ERC2: variants seen among roughly 807,000 people sequenced by gnomAD.
ERC2 encodes the protein ELKS/RAB6-interacting/CAST family member 2, also known as ERC protein 2.
Under a neutral mutation model 114.8 loss-of-function variants are expected in ERC2, and 42 were observed. The observed-to-expected ratio is 0.37, with a 90% CI of 0.29 to 0.47. ERC2 has a LOEUF of 0.47. ERC2 is among the 20% of genes least tolerant of loss of function. ERC2 has a pLI of 0.99. For missense variants in ERC2, 939 were observed against 1,150.7 expected (o/e 0.82, Z 2.66); for synonymous variants, 454 against 425.5 (o/e 1.07, Z -0.82).
intron 2 of ERC2, among the ~76,000 whole-genome samples, chr3:56,362,939 T>G (rs2150563816): frequency 6.6e-6 from 1 of 152,352 alleles, no homozygotes; most frequent in East Asian, 1.9e-4. Context: ...ATTGAGGATA[T>G]TGGCTCCTCA....
intron 13 of ERC2, among the ~76,000 whole-genome samples, chr3:55,895,396 T>C (rs2063795478): frequency 6.6e-6 from 1 of 152,088 alleles, no homozygotes; most frequent in Non-Finnish European, 1.5e-5. Context: ...ATCCTCCCCT[T>C]TAAAGTGGAG....
intron 7 of ERC2, among the ~76,000 whole-genome samples, chr3:56,023,774 T>TGAAGGAAG (rs58820385): frequency 0.069 from 9,158 of 131,776 alleles, 647 homozygotes; most frequent in African/African-American, 0.15. Context: ...AAAAAAGGAA[T>TGAAGGAAG]GAAGGAAGGA....
At chr3:55,641,723 C>T (rs1260745951) in intron 17 of ERC2, among the ~76,000 whole-genome samples, 1 of 152,138 alleles carries the variant, frequency 6.6e-6, no homozygotes, top group Non-Finnish European at 1.5e-5. Context: ...ATGCCTCTCT[C>T]CTTTTCCTTC....
chr3:56,238,109 AG>A (rs1385440314), intron 3 of ERC2, among the ~76,000 whole-genome samples: 1 of 152,138 alleles, frequency 6.6e-6, no homozygotes, highest in Non-Finnish European at 1.5e-5. Flanking sequence ...CCCAAAATGC[AG>A]GGTTTTTTCT....
intron 10 of ERC2, among the ~76,000 whole-genome samples, chr3:55,998,868 T>C (rs925778316): frequency 2.0e-5 from 3 of 152,150 alleles, no homozygotes; most frequent in African/African-American, 7.2e-5. Flanking sequence ...TGAGAAGAGA[T>C]AGGATTTCAA....
At chr3:55,554,122 C>A (rs954129473) in intron 17 of ERC2, among the ~76,000 whole-genome samples, 2 of 152,088 alleles carry the variant, frequency 1.3e-5, no homozygotes, top group South Asian at 4.1e-4. Flanking sequence ...TTGCATAATT[C>A]TTTGCATATA....
intron 3 of ERC2, among the ~76,000 whole-genome samples, chr3:56,239,442 G>A (rs567240355): frequency 6.5e-4 from 99 of 152,026 alleles, no homozygotes; most frequent in African/African-American, 2.3e-3. Context: ...GGTGGCAGAG[G>A]TTGCAGTGGG....
intron 3 of ERC2, among the ~76,000 whole-genome samples, chr3:56,266,130 G>GAT (rs2053284204): frequency 7.7e-6 from 1 of 130,542 alleles, no homozygotes; most frequent in Non-Finnish European, 1.6e-5. Context: ...CAAATAACTA[G>GAT]ATTTTTTTTT....
Position 56,284,142 on chromosome 3 carries a change from G to A in ERC2, c.1074+11877C>T, listed in dbSNP as rs1341089497. 2.6e-5 allele frequency among the ~76,000 whole-genome samples: 4 copies of A among 152,242 alleles called. No individual in the cohort carries two copies. In the East Asian group the frequency reaches 7.7e-4, roughly 29 times the overall value. On this transcript the variant is annotated intron_variant, in intron 3 of 17. Transcript: ENST00000288221. ...AAAGAAAAAACTCAAGTTTAGAGAA[G>A]ATTTGGGGTGAGTGGTGTAGGTGAA...
chr3:55,747,691 C>A (rs567123987), intron 14 of ERC2, among the ~76,000 whole-genome samples: 132 of 152,320 alleles, frequency 8.7e-4, no homozygotes, highest in African/African-American at 3.1e-3. Context: ...GTGGCCATTG[C>A]CTTTGCAAAG....
intron 17 of ERC2, among the ~76,000 whole-genome samples, chr3:55,573,466 T>A (rs2056824848): frequency 6.6e-6 from 1 of 152,098 alleles, no homozygotes; most frequent in African/African-American, 2.4e-5. Flanking sequence ...GAGCAACAGA[T>A]GCGAGGGGGG....
At chr3:56,466,071 G>C (rs928825097) in intron 1 of ERC2, among the ~76,000 whole-genome samples, 1 of 152,202 alleles carries the variant, frequency 6.6e-6, no homozygotes, top group African/African-American at 2.4e-5. Context: ...TAATTTGGGC[G>C]TAAGAATAGT....
At chr3:56,285,325 G>T (rs1486780373) in intron 3 of ERC2, among the ~76,000 whole-genome samples, 1 of 151,752 alleles carries the variant, frequency 6.6e-6, no homozygotes, top group African/African-American at 2.4e-5. Flanking sequence ...TGCAATGTCT[G>T]GAGACTGTTT....
intron 14 of ERC2, among the ~76,000 whole-genome samples, chr3:55,826,422 G>A (rs2060329232): frequency 6.6e-6 from 1 of 152,170 alleles, no homozygotes. Flanking sequence ...TTAAGTTGAA[G>A]CCTATTTGAC....
At chr3:56,105,810 G>A (rs1221499320) in intron 6 of ERC2, among the ~76,000 whole-genome samples, 1 of 152,200 alleles carries the variant, frequency 6.6e-6, no homozygotes, top group East Asian at 1.9e-4. Flanking sequence ...CCAAGGAGAT[G>A]TCTGCACAGG....
At chr3:56,464,075 C>G (rs2107586840) in intron 1 of ERC2, among the ~76,000 whole-genome samples, 1 of 152,224 alleles carries the variant, frequency 6.6e-6, no homozygotes, top group East Asian at 1.9e-4. Flanking sequence ...TGTCACGCAG[C>G]TAGCAATGGG....
intron 3 of ERC2, among the ~76,000 whole-genome samples, chr3:56,287,565 T>C (rs1576282556): frequency 2.0e-5 from 3 of 152,246 alleles, no homozygotes; most frequent in African/African-American, 7.2e-5. Flanking sequence ...CAGGCTCTGA[T>C]AAGATGTGGC....
chr3:56,152,041 C>T (rs1352009), intron 4 of ERC2, among the ~76,000 whole-genome samples: 11,533 of 152,160 alleles, frequency 0.076, 583 homozygotes, highest in East Asian at 0.14. Context: ...TAAACAAGCT[C>T]TGGAAGCAGA....
At chr3:56,431,264 TA>T (rs1418947266) in intron 2 of ERC2, among the ~76,000 whole-genome samples, 3 of 152,118 alleles carry the variant, frequency 2.0e-5, no homozygotes, top group Non-Finnish European at 2.9e-5. Context: ...TGGAAAAACA[TA>T]AAAACCCCAC....
Sources: allele counts gnomAD v4.1 joint callset (sites outside exome capture counted in the v4.1 genomes callset), GRCh38; gene constraint gnomAD v4.1.1; transcripts MANE v1.5; gene names NCBI Gene and HGNC (gene_info 2026-07-23, HGNC 2026-07-21).